COL15A1: variants seen among roughly 807,000 people sequenced by gnomAD.
COL15A1 encodes collagen alpha-1(XV) chain.
A neutral mutation model predicts 165.9 loss-of-function variants in COL15A1; 111 were observed. That is an observed-to-expected ratio of 0.67 (90% confidence interval 0.57 to 0.78). The LOEUF (loss-of-function observed/expected upper bound fraction) is 0.78. COL15A1 is among the 30% of genes least tolerant of loss of function. The pLI is 0.00. For missense variants in COL15A1, 1,745 were observed against 1,789.7 expected (o/e 0.98, Z 0.45); for synonymous variants, 659 against 674.8 (o/e 0.98, Z 0.36).
rs573210859 is a variant in COL15A1, at chr9:99,044,652, G to C, written c.2643+16G>C. On this transcript the variant is annotated intron_variant, in intron 25 of 41. Transcript: ENST00000375001. The stretch of plus-strand genomic sequence containing the variant: ...GGGGAAAAAGGTAATTATGTCACCA[G>C]ACCCTGCAGGCACATATCTGCCCCA... 6.8e-6 allele frequency: 11 copies of C among 1,613,688 alleles called. No homozygotes were observed. Among genetic ancestry groups the C allele is most frequent in the African/African-American group, 2.7e-5 (2 of 75,034 alleles).
intron 5 of COL15A1, among the ~76,000 whole-genome samples, chr9:98,995,750 G>T (rs1397544653): frequency 6.6e-6 from 1 of 152,178 alleles, no homozygotes; most frequent in African/African-American, 2.4e-5. Flanking sequence ...GACTCAAGGT[G>T]ATTTCTCTTT....
chr9:99,054,563 T>TTAAAAAA lies in COL15A1; in HGVS notation c.2951-13_2951-12insTAAAAAA. 1 of 1,597,104 alleles carries TTAAAAAA rather than the reference T, an allele frequency of 6.3e-7. No homozygotes were observed. Among genetic ancestry groups the TTAAAAAA allele is most frequent in the South Asian group, 1.1e-5 (1 of 87,856 alleles). ...TTTCCATTTTTTTTTAACATGTATG[T>TTAAAAAA]GTTTGGTGGCAGGTGTTAAAGGAGA... On this transcript the variant is annotated splice_polypyrimidine_tract_variant and intron_variant, in intron 31 of 41. Coordinates refer to ENST00000375001, the MANE Select transcript of COL15A1 (RefSeq NM_001855.5).
At chr9:98,987,263 C>T (rs753746175) in intron 3 of COL15A1, 31 bp from the exon 4 acceptor site, 11 of 1,606,188 alleles carry the variant, frequency 6.8e-6, no homozygotes, top group Non-Finnish European at 9.4e-6. Context: ...TACGTGCAAA[C>T]CGTGGCTTCT....
rs140963400 is a variant in COL15A1, at chr9:99,061,124, A to C, written c.3403-847A>C. 3.9e-5 allele frequency among the ~76,000 whole-genome samples: 6 copies of C among 152,336 alleles called. No individual in the cohort carries two copies. In the East Asian group the frequency reaches 1.2e-3, roughly 29 times the overall value. ...GTCAGGAGTCCAAAAATGCTCTTTG[A>C]TCTTTGCTGGATGTTAGTTGCAAAA... On this transcript the variant is annotated intron_variant, in intron 36 of 41. Coordinates refer to ENST00000375001, the MANE Select transcript of COL15A1 (RefSeq NM_001855.5).
At position 98,943,970 on chromosome 9, in the gene COL15A1, C is replaced by G. The variant is rs551472291; in HGVS notation, c.-92C>G. ...TTCCCTGCAGGAAGGGCGAGCGCGG[C>G]GGCCAGCGCTCAGCGACCCTTCGTC... On this transcript the variant is annotated 5_prime_UTR_variant, in exon 1 of 42. Coordinates refer to ENST00000375001, the MANE Select transcript of COL15A1 (RefSeq NM_001855.5). 2,763 of 1,541,994 alleles carry G rather than the reference C, an allele frequency of 1.8e-3. 37 individuals are homozygous for G. The highest frequency in any genetic ancestry group is 2.9e-3 in the East Asian group (128 of 43,454).
chr9:99,009,396 A>T (rs963634109), intron 9 of COL15A1, among the ~76,000 whole-genome samples: 2 of 152,268 alleles, frequency 1.3e-5, no homozygotes, highest in African/African-American at 4.8e-5. Context: ...ATTTATGTAA[A>T]TATAATCCAA....
intron 36 of COL15A1, among the ~76,000 whole-genome samples, 193 bp from the exon 37 acceptor site, chr9:99,061,776 CAT>C (rs1825818782): frequency 6.6e-6 from 1 of 152,034 alleles, no homozygotes; most frequent in South Asian, 2.1e-4. Context: ...TCAAAGTATA[CAT>C]GTTTTTGTTT....
chr9:98,961,045 T>C (rs1464241354), intron 2 of COL15A1, among the ~76,000 whole-genome samples: 2 of 152,186 alleles, frequency 1.3e-5, no homozygotes, highest in Non-Finnish European at 2.9e-5. Flanking sequence ...AACAAGGACT[T>C]TGCAAAGTGG....
chr9:98,953,066 C>T (rs943608991), intron 2 of COL15A1, among the ~76,000 whole-genome samples: 2 of 152,056 alleles, frequency 1.3e-5, no homozygotes, highest in Non-Finnish European at 2.9e-5. Flanking sequence ...GGGAGTGTAC[C>T]AGTGGTAGTG....
intron 41 of COL15A1, among the ~76,000 whole-genome samples, chr9:99,069,402 TGAAA>T (rs1271570004): frequency 6.6e-6 from 1 of 151,962 alleles, no homozygotes; most frequent in Non-Finnish European, 1.5e-5. Flanking sequence ...GGTCTGAAAA[TGAAA>T]GAGAAGCCCT....
In COL15A1 at chr9:99,070,779, C is replaced by T; in HGVS notation, c.*893C>T. The T allele has an allele frequency of 3.3e-6, 1 of 298,942 alleles. No individual in the cohort carries two copies. The highest frequency in any genetic ancestry group is 6.8e-6 in the Non-Finnish European group (1 of 147,322). The allele number at this position is 298,942 out of a possible 1,614,324, so 18.5% of individuals were successfully genotyped here. On this transcript the variant is annotated 3_prime_UTR_variant, in exon 42 of 42. Transcript: ENST00000375001. ...AACATAAAAACATCTTTTCCGGGTG[C>T]TTTCTTCATTTGACTTTTTCCCGCT...
At chr9:99,050,141 T>G (rs557189329) in intron 30 of COL15A1, among the ~76,000 whole-genome samples, 3 of 152,184 alleles carry the variant, frequency 2.0e-5, no homozygotes, top group Non-Finnish European at 4.4e-5. Flanking sequence ...TAAAAAGCAG[T>G]GTCTTTTGTT....
At chr9:98,965,579 T>C (rs1257958661) in intron 2 of COL15A1, among the ~76,000 whole-genome samples, 1 of 152,240 alleles carries the variant, frequency 6.6e-6, no homozygotes, top group Non-Finnish European at 1.5e-5. Flanking sequence ...GGAGGCTATC[T>C]CGGGGTCCCA....
chr9:98,979,459 G>A (rs55771115), intron 2 of COL15A1, among the ~76,000 whole-genome samples: 9,234 of 152,140 alleles, frequency 0.061, 417 homozygotes, highest in Non-Finnish European at 0.09. Flanking sequence ...ATGAGGTTGA[G>A]TATTTTTCAT....
intron 2 of COL15A1, among the ~76,000 whole-genome samples, chr9:98,984,469 A>G (rs1326882491): frequency 6.6e-6 from 1 of 152,204 alleles, no homozygotes; most frequent in Non-Finnish European, 1.5e-5. Context: ...ACCTGCATGC[A>G]ACTTACCTTG....
intron 2 of COL15A1, among the ~76,000 whole-genome samples, chr9:98,956,893 AC>A (rs1837784090): frequency 6.6e-6 from 1 of 152,232 alleles, no homozygotes; most frequent in Non-Finnish European, 1.5e-5. Context: ...ATTCGTGTGC[AC>A]TTTTAACATT....
chr9:99,060,257 T>TATATATATA (rs1491369678), intron 36 of COL15A1, among the ~76,000 whole-genome samples: 1 of 126,700 alleles, frequency 7.9e-6, no homozygotes, highest in African/African-American at 3.4e-5. Flanking sequence ...TATATATATA[T>TATATATATA]TTTTTTTTTG....
At chr9:98,951,838 G>A (rs897641420) in intron 2 of COL15A1, among the ~76,000 whole-genome samples, 4 of 152,208 alleles carry the variant, frequency 2.6e-5, no homozygotes, top group East Asian at 1.9e-4. Context: ...GATTACAGGC[G>A]TGAGCCACTG....
chr9:98,999,478 C>T (rs1252437301), intron 6 of COL15A1, among the ~76,000 whole-genome samples: 2 of 151,508 alleles, frequency 1.3e-5, no homozygotes, highest in Admixed American at 1.3e-4. Flanking sequence ...CCAGCCATAA[C>T]AGGCGTGCAG....
Sources: allele counts gnomAD v4.1 joint callset (sites outside exome capture counted in the v4.1 genomes callset), GRCh38; gene constraint gnomAD v4.1.1; transcripts MANE v1.5; gene names NCBI Gene and HGNC (gene_info 2026-07-23, HGNC 2026-07-21).